Variants in STK32A observed in about 807,000 individuals in gnomAD.
The protein encoded by STK32A is serine/threonine-protein kinase 32A.
A neutral mutation model predicts 53.2 loss-of-function variants in STK32A; 41 were observed. The observed-to-expected ratio is 0.77, with a 90% CI of 0.60 to 1.00. STK32A has a LOEUF of 1.00. Ranked by LOEUF, STK32A falls within the 50% of genes least tolerant of loss-of-function variation. The pLI is 0.00. For synonymous variants in STK32A, 166 were observed against 162.8 expected, an observed-to-expected ratio of 1.02 and a Z score of -0.15; for missense variants, 458 against 485.8, an observed-to-expected ratio of 0.94 and a Z score of 0.54.
intron 2 of STK32A, 84 bp from the exon 3 acceptor site, chr5:147,278,040 C>G: frequency 8.6e-7 from 1 of 1,165,354 alleles, no homozygotes; most frequent in East Asian, 2.6e-5. Flanking sequence ...CAAGATACTT[C>G]AGTTTAGTCC....
At chr5:147,383,557 C>T in intron 12 of STK32A, 52 bp downstream of exon 12, 1 of 1,342,734 alleles carries the variant, frequency 7.4e-7, no homozygotes, top group Non-Finnish European at 1.0e-6. Context: ...CATGTTTCAG[C>T]CAGACTTTAC....
At chr5:147,300,904 G>A (rs1402304478) in intron 4 of STK32A, among the ~76,000 whole-genome samples, 1 of 152,192 alleles carries the variant, frequency 6.6e-6, no homozygotes, top group African/African-American at 2.4e-5. Flanking sequence ...TTGATAAATG[G>A]TGACTTTACA....
chr5:147,272,690 G>T (rs997434200), intron 2 of STK32A, among the ~76,000 whole-genome samples: 1 of 152,160 alleles, frequency 6.6e-6, no homozygotes, highest in Non-Finnish European at 1.5e-5. Context: ...AGATAGCTTA[G>T]TTTTCACTGA....
At chr5:147,289,212 C>T (rs1463258728) in intron 4 of STK32A, among the ~76,000 whole-genome samples, 1 of 152,068 alleles carries the variant, frequency 6.6e-6, no homozygotes, top group African/African-American at 2.4e-5. Context: ...TCAAGACTCC[C>T]CAATATATTG....
At chr5:147,379,377 G>A (rs1300135808) in intron 11 of STK32A, among the ~76,000 whole-genome samples, 1 of 151,980 alleles carries the variant, frequency 6.6e-6, no homozygotes, top group Admixed American at 6.6e-5. Flanking sequence ...TAAACTAGAA[G>A]AACATAACTA....
At position 147,385,596 on chromosome 5, in the gene STK32A, T is replaced by C. The variant is rs1406158096; in HGVS notation, c.*1613T>C. On this transcript the variant is annotated 3_prime_UTR_variant, in exon 13 of 13. Transcript: ENST00000397936. ...ACTTATTTAAAATATCACTGATGTCTCACTCTTTTTCTTTATATTTTATTT... is the reference window on the plus strand; with the variant it reads ...ACTTATTTAAAATATCACTGATGTCCCACTCTTTTTCTTTATATTTTATTT... The C allele has an allele frequency of 1.3e-5, 2 of 152,216 alleles. No individual in the cohort carries two copies. Among genetic ancestry groups the C allele is most frequent in the African/African-American group, 4.8e-5 (2 of 41,460 alleles). The allele number at this position is 152,216 out of a possible 1,614,324, so 9.4% of individuals were successfully genotyped here.
At chr5:147,270,297 C>T (rs962549650) in intron 2 of STK32A, among the ~76,000 whole-genome samples, 20 of 151,924 alleles carry the variant, frequency 1.3e-4, no homozygotes, top group African/African-American at 4.1e-4. Flanking sequence ...CTTGACTTCC[C>T]AGGCTTAAGG....
intron 7 of STK32A, among the ~76,000 whole-genome samples, chr5:147,351,587 G>A (rs1755981060): frequency 6.6e-6 from 1 of 151,808 alleles, no homozygotes; most frequent in African/African-American, 2.4e-5. Context: ...GGTGGCTCAC[G>A]CCTGTAATCC....
intron 8 of STK32A, 21 bp downstream of exon 8, chr5:147,361,635 C>G: frequency 6.5e-7 from 1 of 1,526,968 alleles, no homozygotes; most frequent in Non-Finnish European, 9.1e-7. Flanking sequence ...AGCATTTCCT[C>G]TTTGGTTATT....
At chr5:147,397,423 A>C in the STK32A span, among the ~76,000 whole-genome samples, 1,983 of 152,280 alleles carry the variant, frequency 0.013, 127 homozygotes, top group East Asian at 0.19. Context: ...AATTATTTTT[A>C]ATAAAGTACT....
chr5:147,361,224 T>C (rs896754631), intron 7 of STK32A, among the ~76,000 whole-genome samples: 6 of 152,194 alleles, frequency 3.9e-5, no homozygotes, highest in Admixed American at 1.3e-4. Context: ...AGCCACATAT[T>C]TGAGGCCCAA....
intron 10 of STK32A, among the ~76,000 whole-genome samples, chr5:147,373,991 G>T (rs1370457367): frequency 6.6e-6 from 1 of 152,110 alleles, no homozygotes; most frequent in Admixed American, 6.6e-5. Context: ...GGGGCCTGTA[G>T]AACCAATTCA....
At chr5:147,358,198 A>G (rs957980508) in intron 7 of STK32A, among the ~76,000 whole-genome samples, 2 of 152,152 alleles carry the variant, frequency 1.3e-5, no homozygotes, top group African/African-American at 2.4e-5. Context: ...AGTCAAGCTT[A>G]TTAGTAAACA....
At chr5:147,318,283 G>T (rs1416000361) in intron 4 of STK32A, among the ~76,000 whole-genome samples, 1 of 152,082 alleles carries the variant, frequency 6.6e-6, no homozygotes, top group African/African-American at 2.4e-5. Flanking sequence ...AAGAAAAAAA[G>T]AATATAGATC....
chr5:147,370,883 T>C (rs898536328), intron 9 of STK32A, 113 bp downstream of exon 9: 6 of 607,148 alleles, frequency 9.9e-6, no homozygotes, highest in Non-Finnish European at 1.7e-5. Context: ...TATACATTTG[T>C]AGAGTGTATT....
intron 4 of STK32A, 21 bp downstream of exon 4, chr5:147,279,419 T>A: frequency 2.6e-6 from 4 of 1,554,026 alleles, no homozygotes; most frequent in Non-Finnish European, 3.5e-6. Context: ...TTACTGGACC[T>A]CTGAATAGAG....
chr5:147,344,621 A>G (rs115262496), intron 6 of STK32A, among the ~76,000 whole-genome samples: 82 of 152,254 alleles, frequency 5.4e-4, no homozygotes, highest in African/African-American at 1.9e-3. Context: ...TGGGGGAAAA[A>G]CAATTACCAC....
chr5:147,360,834 A>G (rs935801420), intron 7 of STK32A, among the ~76,000 whole-genome samples: 1 of 152,224 alleles, frequency 6.6e-6, no homozygotes, highest in Non-Finnish European at 1.5e-5. Context: ...GGTAAGTAAA[A>G]GGTTCATAGT....
At chr5:147,392,317 C>T (rs1228982307), downstream of STK32A, 1 of 152,212 alleles carries the variant, frequency 6.6e-6, no homozygotes, top group Admixed American at 6.5e-5. Flanking sequence ...AGGTAGCTTG[C>T]TAGGGGAAAT....
Sources: gnomAD v4.1 joint callset for allele counts (sites outside exome capture counted in the v4.1 genomes callset) on GRCh38, gnomAD v4.1.1 for gene constraint, MANE v1.5 for transcripts, NCBI Gene and HGNC (gene_info 2026-07-23, HGNC 2026-07-21) for gene names.